Variants in USP49 observed in about 807,000 individuals in gnomAD.
The protein encoded by USP49 is ubiquitin specific peptidase 49.
Under a neutral mutation model 58.6 loss-of-function variants are expected in USP49, and 24 were observed. That is an observed-to-expected ratio of 0.41 (90% CI 0.30 to 0.58). The LOEUF (loss-of-function observed/expected upper bound fraction) is 0.58, where lower values mean the gene tolerates loss of function less well. Ranked by LOEUF, USP49 falls within the 20% of genes least tolerant of loss-of-function variation. The pLI, the probability that USP49 is intolerant of heterozygous loss-of-function variation, is 0.30. For missense variants in USP49, 703 were observed against 866.1 expected, an observed-to-expected ratio of 0.81 and a Z score of 2.36; for synonymous variants, 408 against 365.1, an observed-to-expected ratio of 1.12 and a Z score of -1.34.
intron 5 of USP49, among the ~76,000 whole-genome samples, chr6:41,802,560 C>T (rs1161855769): frequency 3.4e-5 from 5 of 145,804 alleles, no homozygotes; most frequent in African/African-American, 1.3e-4. Context: ...TCCCAAAGTC[C>T]TGGGATTACA....
chr6:41,887,259 ATCC>A (rs992713734), intron 2 of USP49: 1 of 152,230 alleles, frequency 6.6e-6, no homozygotes, highest in Non-Finnish European at 1.5e-5. Flanking sequence ...ATACAAAAGT[ATCC>A]TCCTAACTCA....
At chr6:41,845,262 G>T (rs1472165861) in intron 3 of USP49, among the ~76,000 whole-genome samples, 1 of 152,042 alleles carries the variant, frequency 6.6e-6, no homozygotes, top group African/African-American at 2.4e-5. Flanking sequence ...AATAGGCCAG[G>T]TGTGGTGGCT....
chr6:41,871,354 T>C (rs2149274), intron 3 of USP49, among the ~76,000 whole-genome samples: 74,086 of 151,964 alleles, frequency 0.49, 18,163 homozygotes, highest in Middle Eastern at 0.51. Flanking sequence ...ACTTCAAATA[T>C]GGCTGTGTCC....
intron 3 of USP49, among the ~76,000 whole-genome samples, chr6:41,808,244 A>G (rs1306595135): frequency 6.6e-6 from 1 of 151,650 alleles, no homozygotes; most frequent in Non-Finnish European, 1.5e-5. Flanking sequence ...GAAACAAAAG[A>G]AAAAAAAGCA....
At chr6:41,842,760 C>T (rs982256604) in intron 3 of USP49, among the ~76,000 whole-genome samples, 3 of 151,936 alleles carry the variant, frequency 2.0e-5, no homozygotes, top group East Asian at 3.8e-4. Flanking sequence ...TCCTGTAATA[C>T]ATTTTTCATA....
intron 3 of USP49, among the ~76,000 whole-genome samples, chr6:41,810,966 C>A (rs1773248292): frequency 6.6e-6 from 1 of 152,152 alleles, no homozygotes; most frequent in African/African-American, 2.4e-5. Flanking sequence ...CAGAGAAGTT[C>A]TAAATCCAAT....
chr6:41,819,091 A>G (rs1312289998), intron 3 of USP49, among the ~76,000 whole-genome samples: 4 of 152,124 alleles, frequency 2.6e-5, no homozygotes, highest in Admixed American at 1.3e-4. Context: ...GGAACAGGAA[A>G]TCAGGTGGGG....
intron 3 of USP49, among the ~76,000 whole-genome samples, chr6:41,809,033 C>G (rs2127325730): frequency 6.6e-6 from 1 of 152,188 alleles, no homozygotes; most frequent in South Asian, 2.1e-4. Context: ...CCCACCTCAG[C>G]CTCTAGAGTA....
chr6:41,853,581 C>G (rs956831860), intron 3 of USP49, among the ~76,000 whole-genome samples: 31 of 152,074 alleles, frequency 2.0e-4, no homozygotes, highest in Non-Finnish European at 8.8e-5. Flanking sequence ...AAACATTTGT[C>G]CAATGTAAGA....
chr6:41,820,442 T>C (rs943639415), intron 3 of USP49, among the ~76,000 whole-genome samples: 1 of 152,074 alleles, frequency 6.6e-6, no homozygotes, highest in Admixed American at 6.6e-5. Context: ...CACCAAGTAA[T>C]TATTAATTTG....
At chr6:41,872,198 A>G (rs956760268) in intron 2 of USP49, among the ~76,000 whole-genome samples, 1 of 152,246 alleles carries the variant, frequency 6.6e-6, no homozygotes, top group African/African-American at 2.4e-5. Context: ...TATATGTATA[A>G]GCATGTTTAA....
At chr6:41,890,631 G>A (rs565875541) in intron 2 of USP49, among the ~76,000 whole-genome samples, 50 of 152,148 alleles carry the variant, frequency 3.3e-4, no homozygotes, top group Middle Eastern at 3.4e-3. Flanking sequence ...CTGACGTGGC[G>A]CCACTGCATT....
rs374117167 is a variant in USP49 at position 41,880,817 on chromosome 6, G to T, written c.-102-9180C>A. On this transcript the variant is annotated intron_variant, in intron 2 of 7. Transcript: ENST00000682992. ...AGATATCAAGTCAAGGAAAACAGGG[G>T]GTTCTCCGTAAGAAGGCAAAGGAAA... Among the ~76,000 whole-genome samples the T allele has an allele frequency of 1.3e-3, 192 of 152,160 alleles. 1 individual carries two copies. The highest frequency in any genetic ancestry group is 3.4e-3 in the Middle Eastern group (1 of 294).
chr6:41,823,306 G>C (rs1181315382), intron 3 of USP49, among the ~76,000 whole-genome samples: 1 of 152,222 alleles, frequency 6.6e-6, no homozygotes, highest in Non-Finnish European at 1.5e-5. Flanking sequence ...GCACTGAGAA[G>C]ATTCAGTGTT....
chr6:41,834,473 T>A (rs1025238981), intron 3 of USP49, among the ~76,000 whole-genome samples: 2 of 152,168 alleles, frequency 1.3e-5, no homozygotes, highest in Non-Finnish European at 2.9e-5. Context: ...TGGATCTGTG[T>A]CCCCACCAAA....
At chr6:41,857,007 C>T (rs888968101) in intron 3 of USP49, among the ~76,000 whole-genome samples, 15 of 152,006 alleles carry the variant, frequency 9.9e-5, no homozygotes, top group African/African-American at 3.4e-4. Context: ...GAAATGTATC[C>T]CCTGAGGATA....
At chr6:41,849,857 G>A (rs1381361051) in intron 3 of USP49, among the ~76,000 whole-genome samples, 4 of 151,722 alleles carry the variant, frequency 2.6e-5, no homozygotes, top group Non-Finnish European at 4.4e-5. Flanking sequence ...CCACCGCTTC[G>A]ACCTCCCAAA....
intron 3 of USP49, among the ~76,000 whole-genome samples, chr6:41,820,689 T>G (rs962708978): frequency 6.6e-6 from 1 of 152,142 alleles, no homozygotes; most frequent in Non-Finnish European, 1.5e-5. Context: ...TTTTGGGGTA[T>G]GCTTGAAATA....
chr6:41,803,275 CA>C lies in USP49; in HGVS notation c.1561+530del, dbSNP rs1371219633. Among the ~76,000 whole-genome samples, 1 of 150,678 alleles carries C rather than the reference CA, an allele frequency of 6.6e-6. No individual in the cohort carries two copies. Among genetic ancestry groups the C allele is most frequent in the Non-Finnish European group, 1.5e-5 (1 of 67,636 alleles). ...AACTAATGTCAATCAGGAGGTCAAT[CA>C]ACTCCTAGGTCTTTGTTTCATTTGT... On this transcript the variant is annotated intron_variant, in intron 5 of 7. Transcript: ENST00000682992. The surrounding 1 kb of genome is among the most constrained non-coding windows in gnomAD (Gnocchi z 4.1).
Sources: allele counts gnomAD v4.1 joint callset (sites outside exome capture counted in the v4.1 genomes callset), GRCh38; gene constraint gnomAD v4.1.1; non-coding constraint Gnocchi (gnomAD v3.1); transcripts MANE v1.5; gene names NCBI Gene and HGNC (gene_info 2026-07-23, HGNC 2026-07-21).